Variants in COG7 observed in about 807,000 individuals in gnomAD.
COG7 encodes the protein component of oligomeric golgi complex 7.
Under a neutral mutation model 91.5 loss-of-function variants are expected in COG7, and 49 were observed. The observed-to-expected ratio is 0.54, with a 90% CI of 0.43 to 0.68. The LOEUF (loss-of-function observed/expected upper bound fraction) is 0.68, where lower values mean the gene tolerates loss of function less well. Ranked by LOEUF, COG7 falls within the 30% of genes least tolerant of loss-of-function variation. COG7 has a pLI of 0.00. For missense variants in COG7, 895 were observed against 961.3 expected, an observed-to-expected ratio of 0.93 and a Z score of 0.91; for synonymous variants, 365 against 388.7, an observed-to-expected ratio of 0.94 and a Z score of 0.72.
chr16:23,430,185 G>A (rs776366239), intron 6 of COG7, among the ~76,000 whole-genome samples: 12 of 152,110 alleles, frequency 7.9e-5, no homozygotes, highest in Non-Finnish European at 1.3e-4. Context: ...TTTGGGAGGC[G>A]TGCAGCCCAA....
At chr16:23,450,680 T>A (rs918970084) in intron 1 of COG7, among the ~76,000 whole-genome samples, 1 of 151,656 alleles carries the variant, frequency 6.6e-6, no homozygotes, top group Non-Finnish European at 1.5e-5. Flanking sequence ...ATCAAAAAAT[T>A]GTGCCATCTG....
At chr16:23,451,707 A>C (rs1964268368) in intron 1 of COG7, among the ~76,000 whole-genome samples, 2 of 140,744 alleles carry the variant, frequency 1.4e-5, no homozygotes, top group South Asian at 4.7e-4. Context: ...CAGCAGAATG[A>C]GGAATGAGAC....
chr16:23,398,161 C>T (rs764734679), intron 13 of COG7, 32 bp from the exon 14 acceptor site: 7 of 1,578,796 alleles, frequency 4.4e-6, no homozygotes, highest in Non-Finnish European at 6.1e-6. Flanking sequence ...ACAATCAGTA[C>T]CTAGCAGCCA....
chr16:23,419,924 GT>G (rs1278987404), intron 7 of COG7, among the ~76,000 whole-genome samples: 1 of 151,890 alleles, frequency 6.6e-6, no homozygotes, highest in African/African-American at 2.4e-5. Context: ...ATTTCTTGAG[GT>G]TAGGAGTTTG....
intron 6 of COG7, among the ~76,000 whole-genome samples, chr16:23,426,818 C>CAAAAAAAAAAAAAAAAAAAAA (rs1176659874): frequency 1.7e-5 from 1 of 60,332 alleles, no homozygotes; most frequent in South Asian, 6.1e-4. Context: ...AGCAATTGGA[C>CAAAAAAAAAAAAAAAAAAAAA]AAAAAAAAAA....
chr16:23,404,419 A>G (rs1166699609), intron 12 of COG7, among the ~76,000 whole-genome samples: 7 of 152,246 alleles, frequency 4.6e-5, no homozygotes, highest in Non-Finnish European at 7.3e-5. Flanking sequence ...CAATAAAGAT[A>G]AACAGAGTTG....
rs1268198655 is a variant in COG7 at position 23,403,639 on chromosome 16, G to C, written c.1803+55C>G. The C allele has an allele frequency of 4.0e-5, 64 of 1,596,790 alleles. 1 individual carries two copies. The South Asian group carries it at 6.9e-4, about 17-fold the overall frequency. On this transcript the variant is annotated intron_variant, in intron 13 of 16. Transcript: ENST00000307149. ...GGAGGGTTAAGCCCACACTCAGTAT[G>C]CTTGAGTTGGAGGCAGGACCCGGGA...
chr16:23,453,105 G>A lies in COG7; in HGVS notation c.-111C>T. The A allele has an allele frequency of 6.5e-7, 1 of 1,541,526 alleles. No individual in the cohort carries two copies. Reference sequence around the variant, plus strand: ...GAGCACCGAGGCTAGCCTCCGAGGCGAACCCCAGAAACGCCAGGACGGGTA... The same window carrying A: ...GAGCACCGAGGCTAGCCTCCGAGGCAAACCCCAGAAACGCCAGGACGGGTA... On this transcript the variant is annotated 5_prime_UTR_variant, in exon 1 of 17. Transcript: ENST00000307149.
chr16:23,426,980 G>T (rs1963859104), intron 6 of COG7, among the ~76,000 whole-genome samples: 1 of 152,184 alleles, frequency 6.6e-6, no homozygotes. Context: ...AGTGCAGAGT[G>T]GCTCATGCCT....
At chr16:23,435,182 G>A (rs1291199919) in intron 4 of COG7, among the ~76,000 whole-genome samples, 1 of 151,984 alleles carries the variant, frequency 6.6e-6, no homozygotes, top group Admixed American at 6.6e-5. Context: ...TGGCCAACAT[G>A]GCAAAACCCC....
At chr16:23,424,437 T>C (rs772475438) in intron 7 of COG7, among the ~76,000 whole-genome samples, 44 of 152,184 alleles carry the variant, frequency 2.9e-4, no homozygotes, top group Non-Finnish European at 5.3e-4. Context: ...GCCAACTCTT[T>C]GCCATAACAT....
At chr16:23,451,638 T>A (rs191233051) in intron 1 of COG7, among the ~76,000 whole-genome samples, 12 of 151,030 alleles carry the variant, frequency 7.9e-5, no homozygotes, top group African/African-American at 2.9e-4. Context: ...GCGGACTGCT[T>A]GAACCCAGAG....
intron 12 of COG7, among the ~76,000 whole-genome samples, chr16:23,405,603 GCCTCC>G (rs1459024995): frequency 6.7e-6 from 1 of 150,230 alleles, no homozygotes; most frequent in Non-Finnish European, 1.5e-5. Flanking sequence ...TGTAACCGGT[GCCTCC>G]CTGGTTCAAG....
At chr16:23,410,798 C>T (rs1024800927) in intron 10 of COG7, among the ~76,000 whole-genome samples, 1 of 152,138 alleles carries the variant, frequency 6.6e-6, no homozygotes, top group African/African-American at 2.4e-5. Flanking sequence ...CTCTGCCTCC[C>T]AGGTTCAAGT....
At chr16:23,395,694 A>G (rs1387661628) in intron 14 of COG7, among the ~76,000 whole-genome samples, 1 of 152,150 alleles carries the variant, frequency 6.6e-6, no homozygotes, top group African/African-American at 2.4e-5. Context: ...TCTTGTCTCT[A>G]TTCACTCCTT....
intron 16 of COG7, 85 bp downstream of exon 16, chr16:23,392,295 T>A (rs1398708385): frequency 6.3e-7 from 1 of 1,574,854 alleles, no homozygotes; most frequent in Non-Finnish European, 8.6e-7. Flanking sequence ...AGACTTGGGA[T>A]GAGATTCCTG....
intron 11 of COG7, 124 bp from the exon 12 acceptor site, chr16:23,406,386 CA>C (rs1355804203): frequency 1.6e-5 from 14 of 882,306 alleles, no homozygotes. Context: ...AATTAAGGTC[CA>C]GTTTATAAGG....
intron 11 of COG7, 117 bp from the exon 12 acceptor site, chr16:23,406,379 T>A: frequency 2.2e-6 from 2 of 914,042 alleles, no homozygotes; most frequent in Non-Finnish European, 3.5e-6. Flanking sequence ...CAGACTGAAT[T>A]AAGGTCCAGT....
intron 13 of COG7, 33 bp from the exon 14 acceptor site, chr16:23,398,162 C>T: frequency 6.3e-7 from 1 of 1,577,644 alleles, no homozygotes; most frequent in Non-Finnish European, 8.7e-7. Context: ...CAATCAGTAC[C>T]TAGCAGCCAG....
Sources: gnomAD v4.1 joint callset for allele counts (sites outside exome capture counted in the v4.1 genomes callset) on GRCh38, gnomAD v4.1.1 for gene constraint, MANE v1.5 for transcripts, NCBI Gene and HGNC (gene_info 2026-07-23, HGNC 2026-07-21) for gene names.